The following CYREN variants were observed in gnomAD, a reference collection of about 807,000 sequenced individuals.
The protein encoded by CYREN is cell cycle regulator of non-homologous end joining.
Under a neutral mutation model 9.7 loss-of-function variants are expected in CYREN, and 7 were observed. The ratio of observed to expected loss-of-function variants is 0.72; its 90% CI spans 0.41 to 1.36. The LOEUF is 1.36. Ranked by LOEUF, CYREN falls within the 40% of genes most tolerant of loss-of-function variation. The pLI is 0.01. For synonymous variants in CYREN, 76 were observed against 77.9 expected (o/e 0.98, Z 0.13); for missense variants, 215 against 198.1 (o/e 1.09, Z -0.51).
intron 2 of CYREN, among the ~76,000 whole-genome samples, chr7:135,102,851 A>T (rs2117045177): frequency 6.6e-6 from 1 of 152,324 alleles, no homozygotes; most frequent in South Asian, 2.1e-4. Context: ...GAGAATCTTT[A>T]TGGTCTTGGA....
At chr7:135,096,866 T>TA (rs1822977516) in intron 2 of CYREN, among the ~76,000 whole-genome samples, 1 of 152,128 alleles carries the variant, frequency 6.6e-6, no homozygotes, top group South Asian at 2.1e-4. Context: ...ACTAGGAAGA[T>TA]ACGCAAAATA....
intron 2 of CYREN, chr7:135,135,208 A>C (rs1829290034): frequency 1.3e-6 from 2 of 1,544,902 alleles, no homozygotes; most frequent in Non-Finnish European, 1.7e-6. Context: ...TGAGCAGGCC[A>C]ATAAGAATGA....
intron 2 of CYREN, among the ~76,000 whole-genome samples, chr7:135,103,875 G>A (rs1429908604): frequency 6.6e-6 from 1 of 151,546 alleles, no homozygotes; most frequent in Admixed American, 6.6e-5. Flanking sequence ...TGCTTCAACT[G>A]CTTTATTTTT....
chr7:135,155,780 G>A (rs1829777653), intron 2 of CYREN, among the ~76,000 whole-genome samples: 2 of 152,208 alleles, frequency 1.3e-5, no homozygotes, highest in South Asian at 4.1e-4. Flanking sequence ...GAGCCCACGA[G>A]GTCAAGGCTG....
Position 135,115,344 on chromosome 7 carries a change from C to T in CYREN, n.357-20762G>A, listed in dbSNP as rs1355776265. 11 of 1,335,756 alleles carry T rather than the reference C, an allele frequency of 8.2e-6. No individual in the cohort carries two copies. In the East Asian group the frequency reaches 2.3e-4, roughly 28 times the overall value. 82.7% of individuals were successfully genotyped at this position (1,335,756 alleles called of 1,614,324 possible). ...CCAATAAGTAATTGTGAATAGAGTT[C>T]ATATCTCTGTACATATTTTTGTGGT... On this transcript the variant is annotated intron_variant and non_coding_transcript_variant, in intron 2 of 2. Coordinates refer to the CYREN transcript ENST00000459937.
intron 2 of CYREN, among the ~76,000 whole-genome samples, chr7:135,139,648 G>C (rs935882677): frequency 5.9e-5 from 9 of 151,428 alleles, no homozygotes; most frequent in Non-Finnish European, 1.0e-4. Context: ...TATTTGCCAG[G>C]GCCTATGTCC....
chr7:135,105,270 A>G (rs1184085186), intron 2 of CYREN, among the ~76,000 whole-genome samples: 1 of 152,004 alleles, frequency 6.6e-6, no homozygotes, highest in Non-Finnish European at 1.5e-5. Context: ...GGGTTTCACC[A>G]TGTTGGCCAG....
At chr7:135,110,684 ATG>A (rs1825504757) in intron 2 of CYREN, among the ~76,000 whole-genome samples, 1 of 152,150 alleles carries the variant, frequency 6.6e-6, no homozygotes, top group African/African-American at 2.4e-5. Context: ...TATGAATCCA[ATG>A]TGTGTACCTG....
chr7:135,156,989 A>C (rs1042173899), intron 2 of CYREN, among the ~76,000 whole-genome samples: 3 of 152,174 alleles, frequency 2.0e-5, no homozygotes, highest in Non-Finnish European at 4.4e-5. Flanking sequence ...CCACCACCAT[A>C]TAAGAAGTGT....
At chr7:135,129,514 G>A in intron 2 of CYREN, 2 of 772,488 alleles carry the variant, frequency 2.6e-6, no homozygotes, top group South Asian at 2.7e-5. Context: ...AAATTAGATG[G>A]ATATAACAAG....
intron 2 of CYREN, among the ~76,000 whole-genome samples, chr7:135,120,267 A>G (rs1225821318): frequency 6.6e-6 from 1 of 152,244 alleles, no homozygotes; most frequent in Non-Finnish European, 1.5e-5. Flanking sequence ...AGCAAAAATT[A>G]TAATATTGAT....
At chr7:135,165,121 A>G (rs1196140462), downstream of CYREN, 1 of 1,290,478 alleles carries the variant, frequency 7.7e-7, no homozygotes, top group Non-Finnish European at 1.0e-6. Context: ...ACTACAGAGG[A>G]GGTGGGGCCC....
At chr7:135,120,108 C>G (rs1826930307) in intron 2 of CYREN, among the ~76,000 whole-genome samples, 1 of 151,866 alleles carries the variant, frequency 6.6e-6, no homozygotes, top group African/African-American at 2.4e-5. Flanking sequence ...AAGACTTACT[C>G]TAAAAGAATG....
intron 2 of CYREN, among the ~76,000 whole-genome samples, chr7:135,103,593 T>A (rs1824192755): frequency 6.6e-6 from 1 of 152,202 alleles, no homozygotes; most frequent in Non-Finnish European, 1.5e-5. Flanking sequence ...AAACCCATAA[T>A]CCCTACTGTT....
chr7:135,105,788 A>T (rs185811118), intron 2 of CYREN, among the ~76,000 whole-genome samples: 1 of 152,254 alleles, frequency 6.6e-6, no homozygotes, highest in East Asian at 1.9e-4. Flanking sequence ...TGTCATTGGT[A>T]GTTTGATAGG....
At chr7:135,155,960 G>A (rs1031451483) in intron 2 of CYREN, among the ~76,000 whole-genome samples, 4 of 152,164 alleles carry the variant, frequency 2.6e-5, no homozygotes, top group Non-Finnish European at 5.9e-5. Context: ...TGCTTGTATG[G>A]GAAGGACTTT....
chr7:135,102,382 C>A (rs1462816743), intron 2 of CYREN, among the ~76,000 whole-genome samples: 2 of 152,076 alleles, frequency 1.3e-5, no homozygotes, highest in Admixed American at 1.3e-4. Flanking sequence ...TCATTCTATT[C>A]ATTAATTCTT....
chr7:135,160,295 T>C (rs961782643), intron 2 of CYREN, among the ~76,000 whole-genome samples: 7 of 152,228 alleles, frequency 4.6e-5, no homozygotes, highest in African/African-American at 1.7e-4. Flanking sequence ...TATCTAAAAA[T>C]GGCCACAGTG....
intron 2 of CYREN, among the ~76,000 whole-genome samples, chr7:135,101,934 G>T (rs1209672137): frequency 6.6e-6 from 1 of 152,170 alleles, no homozygotes; most frequent in East Asian, 1.9e-4. Flanking sequence ...AGTCTCACGA[G>T]ATCCGTTGGT....
Sources: allele counts gnomAD v4.1 joint callset (sites outside exome capture counted in the v4.1 genomes callset), GRCh38; gene constraint gnomAD v4.1.1; transcripts MANE v1.5; gene names NCBI Gene and HGNC (gene_info 2026-07-23, HGNC 2026-07-21).